Variants in CTNND2 observed in about 807,000 individuals in gnomAD.
CTNND2 encodes the protein catenin delta-2.
CTNND2 carries 22 observed loss-of-function variants against 144.4 expected under a neutral mutation model. The observed-to-expected ratio is 0.15, with a 90% CI of 0.11 to 0.22. The LOEUF is 0.22. Ranked by LOEUF, CTNND2 falls within the 10% of genes least tolerant of loss-of-function variation. The pLI is 1.00. For missense variants in CTNND2, 1,353 were observed against 1,618.8 expected, an observed-to-expected ratio of 0.84 and a Z score of 2.82; for synonymous variants, 751 against 695.6, an observed-to-expected ratio of 1.08 and a Z score of -1.25.
intron 2 of CTNND2, among the ~76,000 whole-genome samples, chr5:11,610,333 T>C (rs116197025): frequency 0.011 from 1,740 of 152,296 alleles, 27 homozygotes; most frequent in African/African-American, 0.041. Flanking sequence ...ATACCCAACA[T>C]TTCAAACTCT....
At chr5:11,568,844 G>T (rs1205094463) in intron 2 of CTNND2, among the ~76,000 whole-genome samples, 1 of 152,198 alleles carries the variant, frequency 6.6e-6, no homozygotes, top group Non-Finnish European at 1.5e-5. Context: ...GAGGGATGTT[G>T]CTAATAAGGG....
At chr5:11,603,953 A>T (rs1779930685) in intron 2 of CTNND2, among the ~76,000 whole-genome samples, 1 of 152,210 alleles carries the variant, frequency 6.6e-6, no homozygotes, top group Non-Finnish European at 1.5e-5. Flanking sequence ...TCCTAGAGTT[A>T]CTTGCATATA....
At chr5:11,207,183 C>T (rs930689649) in intron 10 of CTNND2, among the ~76,000 whole-genome samples, 8 of 151,894 alleles carry the variant, frequency 5.3e-5, no homozygotes, top group East Asian at 1.9e-4. Context: ...GGGAGTTGAA[C>T]GATGAGAACA....
intron 8 of CTNND2, among the ~76,000 whole-genome samples, chr5:11,362,366 C>G (rs2149767485): frequency 6.6e-6 from 1 of 152,286 alleles, no homozygotes; most frequent in African/African-American, 2.4e-5. Flanking sequence ...GGCATTTTCT[C>G]ATACATGCAG....
intron 9 of CTNND2, among the ~76,000 whole-genome samples, chr5:11,323,174 G>C (rs1752200849): frequency 6.9e-6 from 1 of 145,778 alleles, no homozygotes; most frequent in Non-Finnish European, 1.5e-5. Context: ...GAGCAGCCAG[G>C]ACTACAGTGT....
chr5:11,881,076 CATT>C (rs1736078742), intron 1 of CTNND2, among the ~76,000 whole-genome samples: 1 of 149,708 alleles, frequency 6.7e-6, no homozygotes, highest in Admixed American at 6.7e-5. Flanking sequence ...CTACTATTAT[CATT>C]ATTATTAAAG....
chr5:11,094,414 T>C (rs1428464514), intron 15 of CTNND2, among the ~76,000 whole-genome samples: 1 of 152,150 alleles, frequency 6.6e-6, no homozygotes, highest in Non-Finnish European at 1.5e-5. Flanking sequence ...GTCTTTTCTC[T>C]TTGCCACCAC....
At chr5:11,010,022 T>G (rs1740908440) in intron 18 of CTNND2, among the ~76,000 whole-genome samples, 1 of 152,224 alleles carries the variant, frequency 6.6e-6, no homozygotes, top group Non-Finnish European at 1.5e-5. Flanking sequence ...CCTTAGCCTT[T>G]TTGTTTTCTA....
chr5:11,701,826 A>G (rs1785447722), intron 2 of CTNND2, among the ~76,000 whole-genome samples: 1 of 152,222 alleles, frequency 6.6e-6, no homozygotes, highest in South Asian at 2.1e-4. Flanking sequence ...GAAAATAGTT[A>G]AGGATTTTTA....
Position 11,715,339 on chromosome 5 carries a change from G to C in CTNND2, c.174+16797C>G, listed in dbSNP as rs531832306. On this transcript the variant is annotated intron_variant, in intron 2 of 21. Transcript: ENST00000304623. ...TGCTTTATTTGTATGGTAATCTGTT[G>C]GGGAAAAAAAACAAAGGAAAACACA... Among the ~76,000 whole-genome samples the C allele has an allele frequency of 7.4e-4, 113 of 151,936 alleles. 2 individuals carry two copies. Among genetic ancestry groups the C allele is most frequent in the Non-Finnish European group, 1.1e-3 (77 of 68,000 alleles).
intron 1 of CTNND2, among the ~76,000 whole-genome samples, chr5:11,889,146 A>C (rs1210730859): frequency 6.6e-6 from 1 of 152,162 alleles, no homozygotes; most frequent in Non-Finnish European, 1.5e-5. Context: ...TGTAAGACTC[A>C]AAGCCAAAAG....
chr5:11,673,031 C>T (rs1393871267), intron 2 of CTNND2, among the ~76,000 whole-genome samples: 1 of 152,160 alleles, frequency 6.6e-6, no homozygotes, highest in Non-Finnish European at 1.5e-5. Flanking sequence ...GAGCTGCAGA[C>T]CGGAGCTGAT....
chr5:11,153,054 A>T (rs1460267386), intron 12 of CTNND2, among the ~76,000 whole-genome samples: 2 of 152,160 alleles, frequency 1.3e-5, no homozygotes, highest in Non-Finnish European at 2.9e-5. Context: ...ACTTGAGGTC[A>T]GGAGTTCAGG....
intron 2 of CTNND2, among the ~76,000 whole-genome samples, chr5:11,649,823 G>T (rs1056090014): frequency 2.0e-5 from 3 of 152,102 alleles, no homozygotes; most frequent in Non-Finnish European, 4.4e-5. Context: ...CTATCAGAAT[G>T]CTTTACAACA....
At chr5:11,016,496 C>T (rs1213050515) in intron 18 of CTNND2, among the ~76,000 whole-genome samples, 2 of 152,196 alleles carry the variant, frequency 1.3e-5, no homozygotes, top group African/African-American at 2.4e-5. Flanking sequence ...GGGTCTCATT[C>T]CCTATGATGT....
chr5:11,385,577 G>T (rs898627843), intron 6 of CTNND2, among the ~76,000 whole-genome samples: 1 of 152,192 alleles, frequency 6.6e-6, no homozygotes, highest in Non-Finnish European at 1.5e-5. Flanking sequence ...GGGCAATCAT[G>T]ATCTCCCTGG....
chr5:11,502,520 A>C (rs1018207275), intron 3 of CTNND2, among the ~76,000 whole-genome samples: 1 of 152,208 alleles, frequency 6.6e-6, no homozygotes, highest in Non-Finnish European at 1.5e-5. Context: ...TATGATACTT[A>C]AATAAATTAT....
chr5:11,071,129 G>A (rs2907099), intron 16 of CTNND2, among the ~76,000 whole-genome samples: 133,678 of 152,202 alleles, frequency 0.88, 59,141 homozygotes, highest in African/African-American at 0.97. Flanking sequence ...AGGAACAAAG[G>A]TACGTGAATA....
In CTNND2 at chr5:10,977,301, G is replaced by A. The variant is rs1579922113; in HGVS notation, c.3418-3588C>T. Among the ~76,000 whole-genome samples the A allele has an allele frequency of 3.3e-5, 5 of 152,256 alleles. 1 individual carries two copies. The highest frequency in any genetic ancestry group is 4.1e-4 in the South Asian group (2 of 4,820). Reference sequence around the variant, plus strand: ...CCGGTTTTGTTATCATTTAAATATTGGTCATCAAAACAGCAAAGCTCTTTG... The same window carrying A: ...CCGGTTTTGTTATCATTTAAATATTAGTCATCAAAACAGCAAAGCTCTTTG... On this transcript the variant is annotated intron_variant, in intron 21 of 21. Coordinates refer to ENST00000304623, the MANE Select transcript of CTNND2 (RefSeq NM_001332.4).
Sources: allele counts gnomAD v4.1 joint callset (sites outside exome capture counted in the v4.1 genomes callset), GRCh38; gene constraint gnomAD v4.1.1; transcripts MANE v1.5; gene names NCBI Gene and HGNC (gene_info 2026-07-23, HGNC 2026-07-21).